Variants in C21orf91 observed in about 807,000 individuals in gnomAD.
The protein encoded by C21orf91 is protein EURL homolog.
In C21orf91, 26 loss-of-function variants were observed where a neutral mutation model predicts 32.9. That is an observed-to-expected ratio of 0.79 (90% CI 0.58 to 1.10). The LOEUF is 1.10. C21orf91 is among the 50% of genes least tolerant of loss of function. The pLI is 0.00. For missense variants in C21orf91, 310 were observed against 341.3 expected (o/e 0.91, Z 0.72); for synonymous variants, 126 against 120.4 (o/e 1.05, Z -0.31).
chr21:17,789,589 T>C lies in C21orf91; in HGVS notation c.*3826A>G, dbSNP rs989243422. 6.6e-6 allele frequency: 1 copy of C among 152,144 alleles called. No homozygotes were observed. The highest frequency in any genetic ancestry group is 1.5e-5 in the Non-Finnish European group (1 of 67,990). 9.4% of individuals were successfully genotyped at this position (152,144 alleles called of 1,614,324 possible). A position where few individuals can be genotyped will look rare whatever the true frequency, so the allele number is the denominator to read the frequency against. On this transcript the variant is annotated 3_prime_UTR_variant, in exon 5 of 5. Transcript: ENST00000284881. ...CTCAAACTAAAAAGAACAGGGAAAG[T>C]GTATGTTAACAAACTAGATGTTTTG...
chr21:17,806,910 C>T (rs1284934921), intron 2 of C21orf91, among the ~76,000 whole-genome samples: 1 of 151,910 alleles, frequency 6.6e-6, no homozygotes, highest in East Asian at 1.9e-4. Flanking sequence ...AAGACAGAGG[C>T]TGTAAGAAGT....
rs1383123441 is a variant in C21orf91, at chr21:17,790,304, T to A, written c.*3111A>T. 1.3e-5 allele frequency: 2 copies of A among 152,044 alleles called. No individual in the cohort carries two copies. The highest frequency in any genetic ancestry group is 2.9e-5 in the Non-Finnish European group (2 of 67,926). The allele number at this position is 152,044 out of a possible 1,614,324, so 9.4% of individuals were successfully genotyped here. ...TAAAACACAAATAGATCTAAAAGCTTACTTTAAAAAAACTACAAAAATGGA... is the reference window on the plus strand; with the variant it reads ...TAAAACACAAATAGATCTAAAAGCTAACTTTAAAAAAACTACAAAAATGGA... On this transcript the variant is annotated 3_prime_UTR_variant, in exon 5 of 5. Coordinates refer to ENST00000284881, the MANE Select transcript of C21orf91 (RefSeq NM_001100420.2).
At chr21:17,795,165 C>T in intron 4 of C21orf91, 43 bp downstream of exon 4, 1 of 1,330,922 alleles carries the variant, frequency 7.5e-7, no homozygotes, top group African/African-American at 1.4e-5. Flanking sequence ...TTTTCTATGT[C>T]AAAATTTGTC....
chr21:17,813,554 C>T (rs1363991601), intron 2 of C21orf91, among the ~76,000 whole-genome samples: 1 of 152,144 alleles, frequency 6.6e-6, no homozygotes, highest in African/African-American at 2.4e-5. Context: ...AGAGAGCAGC[C>T]AGATACATAC....
At position 17,790,051 on chromosome 21, in the gene C21orf91, T is replaced by C. The variant is rs141948993; in HGVS notation, c.*3364A>G. 450 of 152,256 alleles carry C rather than the reference T, an allele frequency of 3.0e-3. 3 individuals carry two copies. Among genetic ancestry groups the C allele is most frequent in the African/African-American group, 8.7e-3 (361 of 41,578 alleles). The allele number at this position is 152,256 out of a possible 1,614,324, so 9.4% of individuals were successfully genotyped here. ...CTTAGTAACAACATTTGTCAGTAAATGAACTGGCATACATCAGAAAAAGTT... is the reference window on the plus strand; with the variant it reads ...CTTAGTAACAACATTTGTCAGTAAACGAACTGGCATACATCAGAAAAAGTT... On this transcript the variant is annotated 3_prime_UTR_variant, in exon 5 of 5. Transcript: ENST00000284881.
chr21:17,791,810 A>T lies in C21orf91; in HGVS notation c.*1605T>A, dbSNP rs1254673809. 6.6e-6 allele frequency: 1 copy of T among 152,206 alleles called. No individual in the cohort carries two copies. Among genetic ancestry groups the T allele is most frequent in the Non-Finnish European group, 1.5e-5 (1 of 67,996 alleles). 9.4% of individuals were successfully genotyped at this position (152,206 alleles called of 1,614,324 possible). On this transcript the variant is annotated 3_prime_UTR_variant, in exon 5 of 5. Coordinates refer to ENST00000284881, the MANE Select transcript of C21orf91 (RefSeq NM_001100420.2). Reference sequence around the variant, plus strand: ...TAAAGAATTGAGAGAAATCGAAAGCATCTTTCAAAAATTCCCTCCAAAAAG... The same window carrying T: ...TAAAGAATTGAGAGAAATCGAAAGCTTCTTTCAAAAATTCCCTCCAAAAAG...
In C21orf91 at chr21:17,790,799, C is replaced by A. The variant is rs977632091; in HGVS notation, c.*2616G>T. On this transcript the variant is annotated 3_prime_UTR_variant, in exon 5 of 5. Transcript: ENST00000284881. The stretch of plus-strand genomic sequence containing the variant: ...TTATAAGGCTGAACTTTAAAGAGAA[C>A]AACCTGTGTGGTCAAAAACACTTTT... 1 of 152,036 alleles carries A rather than the reference C, an allele frequency of 6.6e-6. No homozygotes were observed. Among genetic ancestry groups the A allele is most frequent in the Non-Finnish European group, 1.5e-5 (1 of 67,922 alleles). The allele number at this position is 152,036 out of a possible 1,614,324, so 9.4% of individuals were successfully genotyped here.
At chr21:17,811,602 G>C (rs1234703001) in intron 2 of C21orf91, 1 of 152,122 alleles carries the variant, frequency 6.6e-6, no homozygotes, top group Non-Finnish European at 1.5e-5. Context: ...AACAGTTACT[G>C]TAAGTTATTT....
chr21:17,801,915 T>C (rs1295429189), intron 2 of C21orf91, among the ~76,000 whole-genome samples: 1 of 152,176 alleles, frequency 6.6e-6, no homozygotes, highest in African/African-American at 2.4e-5. Context: ...GTATGAATAG[T>C]AGTATTTTAA....
chr21:17,793,847 G>A (rs1296462231), intron 4 of C21orf91, among the ~76,000 whole-genome samples: 1 of 152,196 alleles, frequency 6.6e-6, no homozygotes, highest in East Asian at 1.9e-4. Flanking sequence ...GGTTGCTACT[G>A]TAGCTGAGCT....
rs75760163 is a variant in C21orf91, at chr21:17,813,579, G to C, written c.127+4613C>G. ...CAGATACATACTTACTCATCAACTAGCAAGGTCAACTTACACTGAAAACTT... is the reference window on the plus strand; with the variant it reads ...CAGATACATACTTACTCATCAACTACCAAGGTCAACTTACACTGAAAACTT... On this transcript the variant is annotated intron_variant, in intron 2 of 4. Coordinates refer to ENST00000284881, the MANE Select transcript of C21orf91 (RefSeq NM_001100420.2). 2.5e-3 allele frequency among the ~76,000 whole-genome samples: 374 copies of C among 152,272 alleles called. 10 individuals are homozygous for C. The East Asian group carries it at 0.068, about 28-fold the overall frequency.
At chr21:17,818,521 T>TA (rs2062681154) in intron 1 of C21orf91, among the ~76,000 whole-genome samples, 196 bp from the exon 2 acceptor site, 1 of 152,220 alleles carries the variant, frequency 6.6e-6, no homozygotes, top group Non-Finnish European at 1.5e-5. Context: ...TAGTAAAACT[T>TA]AAAGCCAGGC....
At position 17,796,658 on chromosome 21, in the gene C21orf91, T is replaced by G. The variant is rs1218002057; in HGVS notation, c.588A>C (p.Ala196=). Residue 196 remains alanine (A), a synonymous_variant, in exon 3 of 5, where the codon GCA becomes GCC. Coordinates refer to ENST00000284881, the MANE Select transcript of C21orf91 (RefSeq NM_001100420.2). ...TAGAGATTGTCTCTTCTTTTTTCTG[T>G]GCCTGGTTGTGACTATGAGGCCACA... is the stretch of plus-strand genomic sequence containing the variant. ...SVLWPHSHNQ[A]QKKEETISSP... 9 of 1,613,924 alleles carry G rather than the reference T, an allele frequency of 5.6e-6. No individual in the cohort carries two copies. The highest frequency in any genetic ancestry group is 1.3e-5 in the African/African-American group (1 of 74,926).
chr21:17,795,225 A>G lies in C21orf91; in HGVS notation c.710T>C (p.Leu237Pro). The change falls in exon 4 of 5, where the codon CTC becomes CCC. Residue 237 changes from leucine to proline, a missense_variant. By Grantham distance (98) the Leu-to-Pro change is moderately conservative (BLOSUM62 -3). Coordinates refer to ENST00000284881, the MANE Select transcript of C21orf91 (RefSeq NM_001100420.2). ...LGEVEQLNAKLLQQIQEVFEE... is the reference protein window; with the variant it reads ...LGEVEQLNAKPLQQIQEVFEE... ...ATTCTTACCCTGGATTTGCTGTAGG[A>G]GCTTTGCATTCAGTTGCTCTACCTC... The G allele has an allele frequency of 1.2e-6, 2 of 1,610,926 alleles. No homozygotes were observed. The highest frequency in any genetic ancestry group is 1.7e-6 in the Non-Finnish European group (2 of 1,177,290).
chr21:17,792,161 G>A lies in C21orf91; in HGVS notation c.*1254C>T, dbSNP rs979020783. 6.6e-6 allele frequency: 1 copy of A among 152,068 alleles called. No individual in the cohort carries two copies. Among genetic ancestry groups the A allele is most frequent in the African/African-American group, 2.4e-5 (1 of 41,404 alleles). 9.4% of individuals were successfully genotyped at this position (152,068 alleles called of 1,614,324 possible). A position where few individuals can be genotyped will look rare whatever the true frequency, so the allele number is the denominator to read the frequency against. On this transcript the variant is annotated 3_prime_UTR_variant, in exon 5 of 5. Transcript: ENST00000284881. The stretch of plus-strand genomic sequence containing the variant: ...TTAGAGCCCATTTTAATTCTGCATT[G>A]GTTATAGCCTTTACTGTAATACATT...
rs5842660 is a variant in C21orf91, at chr21:17,792,943, CT to C, written c.*471del. 0.33 allele frequency: 50,628 copies of C among 151,976 alleles called. 9,140 individuals carry two copies. The highest frequency in any genetic ancestry group is 0.48 in the African/African-American group (19,743 of 41,232). 9.4% of individuals were successfully genotyped at this position (151,976 alleles called of 1,614,324 possible). Reference sequence around the variant, plus strand: ...TAATGTAAATAAATATACAGAACCACTCAAATACACATTTATAAAGAGAATG... The same window carrying C: ...TAATGTAAATAAATATACAGAACCACCAAATACACATTTATAAAGAGAATG... On this transcript the variant is annotated 3_prime_UTR_variant, in exon 5 of 5. Coordinates refer to ENST00000284881, the MANE Select transcript of C21orf91 (RefSeq NM_001100420.2).
intron 1 of C21orf91, 99 bp from the exon 2 acceptor site, chr21:17,818,424 A>T: frequency 1.0e-6 from 1 of 958,608 alleles, no homozygotes; most frequent in East Asian, 2.5e-5. Flanking sequence ...GATGCTGTTC[A>T]GCTCATTTAA....
chr21:17,801,695 G>C (rs1028141295), intron 2 of C21orf91, among the ~76,000 whole-genome samples: 1 of 151,768 alleles, frequency 6.6e-6, no homozygotes, highest in African/African-American at 2.4e-5. Context: ...GGGCCTGTTG[G>C]GGGTGGGGGG....
chr21:17,811,542 G>A (rs1039153465), intron 2 of C21orf91: 5 of 152,046 alleles, frequency 3.3e-5, no homozygotes, highest in Non-Finnish European at 7.4e-5. Flanking sequence ...ACTTCATAAA[G>A]GCAAATAATC....
Sources: gnomAD v4.1 joint callset for allele counts (sites outside exome capture counted in the v4.1 genomes callset) on GRCh38, gnomAD v4.1.1 for gene constraint, MANE v1.5 for transcripts, NCBI Gene and HGNC (gene_info 2026-07-23, HGNC 2026-07-21) for gene names.